Variants in NRAP observed in about 807,000 individuals in gnomAD.
The protein encoded by NRAP is nebulin related anchoring protein, also known as nebulin-related-anchoring protein.
NRAP carries 189 observed loss-of-function variants against 225.9 expected under a neutral mutation model. The ratio of observed to expected loss-of-function variants is 0.84; its 90% CI spans 0.74 to 0.94. NRAP has a LOEUF of 0.94. Ranked by LOEUF, NRAP falls within the 40% of genes least tolerant of loss-of-function variation. NRAP has a pLI of 0.00. For synonymous variants in NRAP, 769 were observed against 790.7 expected, an observed-to-expected ratio of 0.97 and a Z score of 0.46; for missense variants, 2,176 against 2,168.7, an observed-to-expected ratio of 1.00 and a Z score of -0.07.
In NRAP at chr10:113,631,965, C is replaced by T. The variant is rs1848606872; in HGVS notation, c.1633-1G>A. On this transcript the variant is annotated splice_acceptor_variant, in intron 16 of 41. Transcript: ENST00000359988. LOFTEE classifies it high-confidence loss of function. Reference sequence around the variant, plus strand: ...TCTCCCAGCCTTCTTTATACTTAACCTGACAAACAAAACCACAAGTGAATA... The same window carrying T: ...TCTCCCAGCCTTCTTTATACTTAACTTGACAAACAAAACCACAAGTGAATA... The T allele has an allele frequency of 6.3e-7, 1 of 1,580,430 alleles. No homozygotes were observed. Among genetic ancestry groups the T allele is most frequent in the South Asian group, 1.1e-5 (1 of 90,240 alleles).
intron 38 of NRAP, among the ~76,000 whole-genome samples, chr10:113,594,925 CTG>C (rs757435155): frequency 6.6e-6 from 1 of 152,202 alleles, no homozygotes; most frequent in Non-Finnish European, 1.5e-5. Context: ...CACACTCAGC[CTG>C]TGTTATTCTG....
At chr10:113,624,782 C>A in intron 22 of NRAP, 44 bp downstream of exon 22, 1 of 1,442,330 alleles carries the variant, frequency 6.9e-7, no homozygotes, top group Non-Finnish European at 9.7e-7. Flanking sequence ...TGGCTATACA[C>A]AAAGGGGAGC....
chr10:113,604,553 T>C (rs2133889386), intron 35 of NRAP, 56 bp downstream of exon 35: 1 of 1,506,838 alleles, frequency 6.6e-7, no homozygotes, highest in East Asian at 2.3e-5. Context: ...GACACCCGGG[T>C]TTGGTGAAAG....
chr10:113,615,789 T>C lies in NRAP; in HGVS notation c.3001A>G (p.Ile1001Val). 1 of 1,606,748 alleles carries C rather than the reference T, an allele frequency of 6.2e-7. No individual in the cohort carries two copies. The highest frequency in any genetic ancestry group is 8.5e-7 in the Non-Finnish European group (1 of 1,173,278). Residue 1001 changes from isoleucine to valine, a missense_variant, in exon 27 of 42, where the codon ATA (isoleucine) becomes GTA (valine). Ile to Val is a conservative substitution (Grantham distance 29). Coordinates refer to ENST00000359988, the MANE Select transcript of NRAP (RefSeq NM_198060.4). ...GCAGTCGGTGTGTAATGATGCTTTA[T>C]GTTTTCTCCTTGTTCCCTGTATAAT... The part of the protein sequence containing the change: ...DRLYREQGEN[I>V]KHHYTPTADL...
At chr10:113,625,010 C>A in intron 21 of NRAP, 80 bp from the exon 22 acceptor site, 1 of 808,910 alleles carries the variant, frequency 1.2e-6, no homozygotes, top group South Asian at 1.5e-5. Context: ...GTGTCTCTGT[C>A]TGGTTGGCAC....
intron 12 of NRAP, among the ~76,000 whole-genome samples, chr10:113,642,017 A>T (rs1485161346): frequency 6.6e-6 from 1 of 152,198 alleles, no homozygotes; most frequent in African/African-American, 2.4e-5. Flanking sequence ...TAAAGAGAAG[A>T]CCAAAACAGG....
chr10:113,626,767 G>A (rs1218659907), intron 20 of NRAP, among the ~76,000 whole-genome samples: 3 of 152,208 alleles, frequency 2.0e-5, no homozygotes, highest in Non-Finnish European at 4.4e-5. Flanking sequence ...CTGCGGTCAG[G>A]TGAGATTCGC....
chr10:113,632,722 C>T (rs1848641386), intron 16 of NRAP, among the ~76,000 whole-genome samples: 1 of 152,206 alleles, frequency 6.6e-6, no homozygotes, highest in Admixed American at 6.5e-5. Context: ...TCATAGCCCA[C>T]TTGTGACTCC....
intron 14 of NRAP, among the ~76,000 whole-genome samples, chr10:113,635,672 C>T (rs1018877628): frequency 1.3e-5 from 2 of 152,162 alleles, no homozygotes. Context: ...AAGGGATCCT[C>T]CCACCTCAGC....
At chr10:113,659,125 G>A (rs1030175074) in intron 3 of NRAP, among the ~76,000 whole-genome samples, 1 of 151,992 alleles carries the variant, frequency 6.6e-6, no homozygotes, top group Non-Finnish European at 1.5e-5. Context: ...CTTTTTCCTT[G>A]TATTTTTAGG....
intron 24 of NRAP, among the ~76,000 whole-genome samples, chr10:113,621,558 C>T (rs2133982405): frequency 6.6e-6 from 1 of 152,240 alleles, no homozygotes; most frequent in Admixed American, 6.5e-5. Flanking sequence ...AGCAGGCCAC[C>T]ACTAGGAATG....
intron 28 of NRAP, 64 bp from the exon 29 acceptor site, chr10:113,614,360 T>G: frequency 9.0e-7 from 1 of 1,108,432 alleles, no homozygotes; most frequent in Non-Finnish European, 1.4e-6. Context: ...ATGGAAGAGG[T>G]GGGCATTGGG....
chr10:113,660,478 G>T (rs902850500), intron 3 of NRAP, among the ~76,000 whole-genome samples: 11 of 152,118 alleles, frequency 7.2e-5, no homozygotes, highest in Admixed American at 7.2e-4. Flanking sequence ...TCTGTGGCTG[G>T]AAATAGAACC....
chr10:113,604,192 C>T (rs990834235), intron 35 of NRAP, among the ~76,000 whole-genome samples: 4 of 152,172 alleles, frequency 2.6e-5, no homozygotes, highest in Non-Finnish European at 5.9e-5. Flanking sequence ...TCTCAGCTCA[C>T]AGCAACCTCT....
chr10:113,647,020 G>A lies in NRAP; in HGVS notation c.896C>T (p.Pro299Leu), dbSNP rs139453605. The change falls in exon 10 of 42, where the codon CCG becomes CTG. Residue 299 changes from proline to leucine, a missense_variant. Pro to Leu is a moderately conservative substitution (Grantham distance 98, BLOSUM62 -3). This residue lies in a region of NRAP where 1,708 missense variants were observed against 1,695.5 expected (regional missense o/e 1.01). Coordinates refer to ENST00000359988, the MANE Select transcript of NRAP (RefSeq NM_198060.4). The part of the protein sequence containing the change: ...ECADQYGQGY[P>L]EEYEEHRGKG... ...TCCCCTGTGCTCCTCATACTCCTCC[G>A]GGTAACCCTGCCGGGTGCATCAAAA... The A allele has an allele frequency of 1.8e-4, 289 of 1,612,490 alleles. 2 individuals carry two copies. The highest frequency in any genetic ancestry group is 1.4e-3 in the South Asian group (130 of 91,068).
chr10:113,634,003 C>CATTTT (rs1848717249), intron 15 of NRAP, 109 bp downstream of exon 15: 2 of 737,754 alleles, frequency 2.7e-6, no homozygotes. Context: ...TGTAATAAGA[C>CATTTT]ATGTGTCACA....
At chr10:113,607,629 C>T (rs1166757788) in intron 32 of NRAP, among the ~76,000 whole-genome samples, 1 of 152,098 alleles carries the variant, frequency 6.6e-6, no homozygotes, top group Admixed American at 6.5e-5. Context: ...TCCTTAAGCC[C>T]AAGCTGCAAT....
intron 4 of NRAP, 94 bp from the exon 5 acceptor site, chr10:113,654,219 AT>A: frequency 1.4e-6 from 1 of 735,532 alleles, no homozygotes; most frequent in East Asian, 2.5e-5. Context: ...CTTAAACATT[AT>A]AAACTCCTAT....
chr10:113,648,467 C>CTCTCTCTCTCTCTA (rs749486311), intron 9 of NRAP, among the ~76,000 whole-genome samples: 169 of 87,354 alleles, frequency 1.9e-3, no homozygotes, highest in East Asian at 5.4e-3. Flanking sequence ...CTCTCTCTCT[C>CTCTCTCTCTCTCTA]TATATATATA....
Sources: gnomAD v4.1 joint callset for allele counts (sites outside exome capture counted in the v4.1 genomes callset) on GRCh38, gnomAD v4.1.1 for gene constraint, gnomAD v4.1.1 regional missense constraint, MANE v1.5 for transcripts, NCBI Gene and HGNC (gene_info 2026-07-23, HGNC 2026-07-21) for gene names.